MAPK8IP3: variants seen among roughly 807,000 people sequenced by gnomAD.
MAPK8IP3 encodes C-Jun-amino-terminal kinase-interacting protein 3.
In MAPK8IP3, 49 loss-of-function variants were observed where a neutral mutation model predicts 157.8. That is an observed-to-expected ratio of 0.31 (90% CI 0.25 to 0.39). The LOEUF is 0.39. Ranked by LOEUF, MAPK8IP3 falls within the 10% of genes least tolerant of loss-of-function variation. MAPK8IP3 has a pLI of 1.00. For synonymous variants in MAPK8IP3, 897 were observed against 777.7 expected (o/e 1.15, Z -2.55); for missense variants, 1,478 against 1,889.4 (o/e 0.78, Z 4.04).
chr16:1,765,265 C>T, intron 20 of MAPK8IP3, 87 bp downstream of exon 20: 5 of 1,434,406 alleles, frequency 3.5e-6, no homozygotes, highest in South Asian at 1.4e-5. Flanking sequence ...CAGCAGCTGC[C>T]TTCTCGGGGT....
At chr16:1,722,387 A>T (rs2038584672) in intron 1 of MAPK8IP3, among the ~76,000 whole-genome samples, 1 of 152,064 alleles carries the variant, frequency 6.6e-6, no homozygotes. Context: ...CAACACAAAG[A>T]CCTTTTTAGA....
chr16:1,724,932 C>T lies in MAPK8IP3; in HGVS notation c.439+255C>T, dbSNP rs753505116. Among the ~76,000 whole-genome samples the T allele has an allele frequency of 1.3e-5, 2 of 152,210 alleles. No homozygotes were observed. Among genetic ancestry groups the T allele is most frequent in the Non-Finnish European group, 2.9e-5 (2 of 68,034 alleles). ...TCAGAGTGAATTCTGACCCCCAGAT[C>T]ACAAGTCTGTGGTCCTGAAGGTCCT... On this transcript the variant is annotated intron_variant, in intron 2 of 31. Coordinates refer to ENST00000610761, the MANE Select transcript of MAPK8IP3 (RefSeq NM_001318852.2). This position sits in a 1 kb window ranked among gnomAD's most constrained non-coding sequence, Gnocchi z 4.1.
chr16:1,738,055 TGA>T (rs1362336995), intron 4 of MAPK8IP3, among the ~76,000 whole-genome samples: 6 of 78,682 alleles, frequency 7.6e-5, no homozygotes, highest in African/African-American at 2.2e-4. Flanking sequence ...ACCGTCCGTG[TGA>T]GTGTGTGACC....
In MAPK8IP3 at chr16:1,759,714, C is replaced by T. The variant is rs575023889; in HGVS notation, c.1247-244C>T. Among the ~76,000 whole-genome samples, 13 of 152,328 alleles carry T rather than the reference C, an allele frequency of 8.5e-5. No individual in the cohort carries two copies. The East Asian group carries it at 2.3e-3, about 27-fold the overall frequency. On this transcript the variant is annotated intron_variant, in intron 10 of 31. Coordinates refer to ENST00000610761, the MANE Select transcript of MAPK8IP3 (RefSeq NM_001318852.2). ...CAGCGGCCATTCAGGGGCCTGCGTC[C>T]GGCCAGCTGGCCTGTGACATTGGTC... is the stretch of plus-strand genomic sequence containing the variant.
chr16:1,761,650 G>C (rs1404422515), intron 13 of MAPK8IP3, among the ~76,000 whole-genome samples: 2 of 126,974 alleles, frequency 1.6e-5, no homozygotes, highest in Admixed American at 8.1e-5. Context: ...ACCATTCACA[G>C]GCGGGGCGGC....
chr16:1,767,489 A>C, intron 26 of MAPK8IP3, 75 bp from the exon 27 acceptor site: 1 of 1,554,674 alleles, frequency 6.4e-7, no homozygotes, highest in South Asian at 1.2e-5. Flanking sequence ...GTGGCCCTGG[A>C]GCTGTGGCAG....
In MAPK8IP3 at chr16:1,743,600, T is replaced by C; in HGVS notation, c.747+124T>C. The C allele has an allele frequency of 6.8e-7, 1 of 1,460,812 alleles. No homozygotes were observed. The allele number at this position is 1,460,812 out of a possible 1,614,324, so 90.5% of individuals were successfully genotyped here. A position where few individuals can be genotyped will look rare whatever the true frequency, so the allele number is the denominator to read the frequency against. The stretch of plus-strand genomic sequence containing the variant: ...TCTCTGGGCCACTCGCCCTCTCCCT[T>C]CGTGTGTGGCAGGATGGAGAAACCC... On this transcript the variant is annotated intron_variant, in intron 5 of 31. Coordinates refer to ENST00000610761, the MANE Select transcript of MAPK8IP3 (RefSeq NM_001318852.2). The surrounding 1 kb of genome is among the most constrained non-coding windows in gnomAD (Gnocchi z 5.6).
intron 4 of MAPK8IP3, among the ~76,000 whole-genome samples, chr16:1,730,514 C>T (rs1178352695): frequency 1.3e-5 from 2 of 151,734 alleles, no homozygotes; most frequent in Non-Finnish European, 1.5e-5. Context: ...CCGAGGTGGG[C>T]AGATCACGAG....
At chr16:1,711,899 C>T (rs1057065001) in intron 1 of MAPK8IP3, among the ~76,000 whole-genome samples, 2 of 147,188 alleles carry the variant, frequency 1.4e-5, no homozygotes, top group East Asian at 2.1e-4. Context: ...GAGATTGCAA[C>T]GCTACTGCAC....
chr16:1,763,636 A>T, intron 16 of MAPK8IP3, 21 bp from the exon 17 acceptor site: 1 of 1,534,084 alleles, frequency 6.5e-7, no homozygotes, highest in South Asian at 1.2e-5. Context: ...CAGAGACATC[A>T]CCCATCATTC....
chr16:1,761,563 C>T (rs1380145781), intron 13 of MAPK8IP3, among the ~76,000 whole-genome samples: 1 of 138,380 alleles, frequency 7.2e-6, no homozygotes, highest in Non-Finnish European at 1.6e-5. Context: ...ACCATTCACA[C>T]ACAGGGCGAC....
intron 1 of MAPK8IP3, among the ~76,000 whole-genome samples, chr16:1,709,510 C>T (rs889293233): frequency 1.4e-4 from 22 of 152,402 alleles, no homozygotes; most frequent in African/African-American, 4.6e-4. Context: ...GAACCCTTGA[C>T]GGGTTCTCAG....
chr16:1,722,640 G>A (rs1377010233), intron 1 of MAPK8IP3, among the ~76,000 whole-genome samples: 1 of 152,082 alleles, frequency 6.6e-6, no homozygotes, highest in Non-Finnish European at 1.5e-5. Flanking sequence ...TGAGGTGGGA[G>A]GATCGCTTGA....
At chr16:1,748,367 C>G in intron 7 of MAPK8IP3, 21 bp downstream of exon 7, 1 of 1,581,988 alleles carries the variant, frequency 6.3e-7, no homozygotes, top group Non-Finnish European at 8.7e-7. Context: ...AGCCCAGGCC[C>G]TGGGGTCCTG....
chr16:1,730,632 A>G, intron 4 of MAPK8IP3, among the ~76,000 whole-genome samples: 1 of 152,164 alleles, frequency 6.6e-6, no homozygotes, highest in African/African-American at 2.4e-5. Flanking sequence ...TCATGAGGTC[A>G]GGAGATCGAG....
At chr16:1,709,393 G>C (rs937817703) in intron 1 of MAPK8IP3, among the ~76,000 whole-genome samples, 3 of 152,248 alleles carry the variant, frequency 2.0e-5, no homozygotes, top group African/African-American at 4.8e-5. Context: ...CTGGGCTGCA[G>C]TGGCCGCGGA....
intron 8 of MAPK8IP3, chr16:1,752,579 C>A: frequency 3.4e-6 from 1 of 296,740 alleles, no homozygotes; most frequent in Non-Finnish European, 6.8e-6. Flanking sequence ...CCCATCTCTA[C>A]AAAACATTTT....
intron 24 of MAPK8IP3, 24 bp downstream of exon 24, chr16:1,766,827 C>T (rs184378971): frequency 3.7e-5 from 59 of 1,612,370 alleles, no homozygotes; most frequent in South Asian, 2.7e-4. Flanking sequence ...GACCGAGGGC[C>T]GGGCGGCGCG....
chr16:1,746,885 GC>G, intron 5 of MAPK8IP3, 143 bp from the exon 6 acceptor site: 1 of 1,015,414 alleles, frequency 9.8e-7, no homozygotes, highest in Non-Finnish European at 1.4e-6. Flanking sequence ...AGCCCGGTGG[GC>G]GGCAGAGGAG....
Sources: allele counts gnomAD v4.1 joint callset (sites outside exome capture counted in the v4.1 genomes callset), GRCh38; gene constraint gnomAD v4.1.1; non-coding constraint Gnocchi (gnomAD v3.1); transcripts MANE v1.5; gene names NCBI Gene and HGNC (gene_info 2026-07-23, HGNC 2026-07-21).